SEC24C: variants seen among roughly 807,000 people sequenced by gnomAD.
SEC24C encodes the protein protein transport protein Sec24C.
SEC24C carries 22 observed loss-of-function variants against 117.0 expected under a neutral mutation model. The ratio of observed to expected loss-of-function variants is 0.19; its 90% CI spans 0.13 to 0.27. The LOEUF (loss-of-function observed/expected upper bound fraction) is 0.27, where lower values mean the gene tolerates loss of function less well. Among genes scored for constraint, SEC24C ranks in the 10% least tolerant of loss-of-function variants. The probability of loss-of-function intolerance (pLI) is 1.00; values close to 1 mark genes in which losing one functional copy is unlikely to be tolerated. For missense variants in SEC24C, 1,155 were observed against 1,375.1 expected, an observed-to-expected ratio of 0.84 and a Z score of 2.53; for synonymous variants, 506 against 529.4, an observed-to-expected ratio of 0.96 and a Z score of 0.61.
At position 73,765,516 on chromosome 10, in the gene SEC24C, C is replaced by T. The variant is rs766874540; in HGVS notation, c.1293C>T (p.Tyr431=). ...TGCGCTGCAACCGCTGCAAAGCATACATGTGTCCCTTCATGCAGTTCATTG... is the reference window on the plus strand; with the variant it reads ...TGCGCTGCAACCGCTGCAAAGCATATATGTGTCCCTTCATGCAGTTCATTG... The part of the protein sequence containing the change: ...GPLRCNRCKA[Y]MCPFMQFIEG... Residue 431 remains tyrosine, a synonymous_variant, in exon 9 of 23, where the codon TAC becomes TAT. Transcript: ENST00000345254. 6 of 1,614,052 alleles carry T rather than the reference C, an allele frequency of 3.7e-6. No individual in the cohort carries two copies. In the African/African-American group the frequency reaches 5.3e-5, roughly 14 times the overall value.
At chr10:73,744,989 G>T (rs1443811254) in intron 1 of SEC24C, among the ~76,000 whole-genome samples, 1 of 87,044 alleles carries the variant, frequency 1.1e-5, no homozygotes, top group African/African-American at 3.5e-5. Context: ...CTTAGTGTCA[G>T]TGACCTACCT....
rs774788734 is a variant in SEC24C at position 73,744,410 on chromosome 10, A to G, written c.-56A>G. 2.0e-5 allele frequency: 3 copies of G among 152,856 alleles called. No individual in the cohort carries two copies. Among genetic ancestry groups the G allele is most frequent in the Non-Finnish European group, 4.4e-5 (3 of 68,250 alleles). 9.5% of individuals were successfully genotyped at this position (152,856 alleles called of 1,614,324 possible). On this transcript the variant is annotated 5_prime_UTR_variant, in exon 1 of 23. Transcript: ENST00000345254. The stretch of plus-strand genomic sequence containing the variant: ...GAGCCTGGGAGCCTTGACGTTAGGA[A>G]CGAAGTCTAACCTGGATCTGGAGCC...
chr10:73,747,274 C>G lies in SEC24C; in HGVS notation c.172+270C>G, dbSNP rs373018936. Among the ~76,000 whole-genome samples the G allele has an allele frequency of 1.4e-4, 22 of 152,356 alleles. No individual in the cohort carries two copies. In the South Asian group the frequency reaches 4.3e-3, roughly 30 times the overall value. ...CTCAACTCATTGCAACCTCTGCCTC[C>G]TGGGCTTAAGCACTTCTCCTGCCTC... On this transcript the variant is annotated intron_variant, in intron 2 of 22. Transcript: ENST00000345254.
Position 73,770,196 on chromosome 10 carries a change from G to A in SEC24C, c.2863-84G>A, listed in dbSNP as rs1022711618. 16 of 1,401,250 alleles carry A rather than the reference G, an allele frequency of 1.1e-5. No homozygotes were observed. In the African/African-American group the frequency reaches 1.7e-4, roughly 15 times the overall value. 86.8% of individuals were successfully genotyped at this position (1,401,250 alleles called of 1,614,324 possible). A position where few individuals can be genotyped will look rare whatever the true frequency, so the allele number is the denominator to read the frequency against. On this transcript the variant is annotated intron_variant, in intron 20 of 22. Transcript: ENST00000345254. ...AGAAGGGGTGGTGTCTGAGGACTTA[G>A]CTTTCAAAATTTTGTGTGTGGTGCG... is the stretch of plus-strand genomic sequence containing the variant.
At chr10:73,750,856 C>T (rs140435340) in intron 2 of SEC24C, among the ~76,000 whole-genome samples, 300 of 152,316 alleles carry the variant, frequency 2.0e-3, no homozygotes, top group African/African-American at 6.7e-3. Context: ...GAAGGCCCTA[C>T]ATTCTTGTGC....
Position 73,770,865 on chromosome 10 carries a change from G to A in SEC24C, c.3144+67G>A, listed in dbSNP as rs1308056326. 8 of 1,611,936 alleles carry A rather than the reference G, an allele frequency of 5.0e-6. No homozygotes were observed. The East Asian group carries it at 1.8e-4, about 36-fold the overall frequency. On this transcript the variant is annotated intron_variant, in intron 22 of 22. Transcript: ENST00000345254. The stretch of plus-strand genomic sequence containing the variant: ...CCTCACCTAGAAGTGGGGGTTGGGT[G>A]GGGAATGAGTAAGTGACTGCCTAAT...
At chr10:73,763,353 A>C in intron 6 of SEC24C, 137 bp from the exon 7 acceptor site, 73 of 494,754 alleles carry the variant, frequency 1.5e-4, no homozygotes, top group East Asian at 2.6e-4. Flanking sequence ...CAGAAGGAGA[A>C]CAGGCCTGGT....
intron 3 of SEC24C, among the ~76,000 whole-genome samples, chr10:73,757,389 G>A (rs1256649294): frequency 6.7e-6 from 1 of 150,224 alleles, no homozygotes; most frequent in Non-Finnish European, 1.5e-5. Context: ...GAGCATTGTT[G>A]GTGTGCCTGG....
In SEC24C at chr10:73,767,047, T is replaced by C; in HGVS notation, c.1894-7T>C. On this transcript the variant is annotated splice_region_variant and splice_polypyrimidine_tract_variant and intron_variant, in intron 13 of 22. Transcript: ENST00000345254. ...GAATAAACAAGTAGTCCTCTCTTTT[T>C]TCCTAGGCTGCTGAGTGTGCAGGGA... 6.2e-7 allele frequency: 1 copy of C among 1,606,440 alleles called. No individual in the cohort carries two copies. Among genetic ancestry groups the C allele is most frequent in the Non-Finnish European group, 8.5e-7 (1 of 1,174,024 alleles).
intron 15 of SEC24C, 23 bp downstream of exon 15, chr10:73,768,030 G>A (rs1222106128): frequency 6.2e-7 from 1 of 1,600,168 alleles, no homozygotes. Flanking sequence ...ATTTGGGGCA[G>A]CAGGTGGCAG....
rs772567387 is a variant in SEC24C at position 73,746,920 on chromosome 10, G to A, written c.88G>A (p.Gly30Arg). Residue 30 changes from glycine to arginine, a missense_variant, in exon 2 of 23, where the codon GGG becomes AGG. By Grantham distance (125) the Gly-to-Arg change is moderately radical (BLOSUM62 -2). Transcript: ENST00000345254. ...YPGYHQSSYG[G>R]QSGSTAPAIP... is the part of the protein sequence containing the mutation. Reference sequence around the variant, plus strand: ...AGGGTATCATCAGTCCAGCTATGGTGGGCAATCAGGGTCCACAGCCCCCGC... The same window carrying A: ...AGGGTATCATCAGTCCAGCTATGGTAGGCAATCAGGGTCCACAGCCCCCGC... 1 of 1,614,076 alleles carries A rather than the reference G, an allele frequency of 6.2e-7. No individual in the cohort carries two copies. The highest frequency in any genetic ancestry group is 8.5e-7 in the Non-Finnish European group (1 of 1,179,982).
chr10:73,753,723 A>G (rs1359948326), intron 3 of SEC24C, among the ~76,000 whole-genome samples: 1 of 152,196 alleles, frequency 6.6e-6, no homozygotes, highest in Non-Finnish European at 1.5e-5. Context: ...ATTTAGTTTT[A>G]CCCACAGGAA....
chr10:73,751,325 C>T (rs1352145107), intron 3 of SEC24C, 82 bp downstream of exon 3: 8 of 1,394,656 alleles, frequency 5.7e-6, no homozygotes, highest in African/African-American at 1.4e-5. Flanking sequence ...CTTTGGGAGG[C>T]TGAGGTGGGT....
Position 73,760,299 on chromosome 10 carries a change from C to G in SEC24C, c.763C>G (p.Pro255Ala), listed in dbSNP as rs150235476. ...TGTGTCTTCACCTCCTCAAGCTCTG[C>G]CCCCTGGCACCCAGATGACTGGGCC... ...NHVSSPPQAL[P>A]PGTQMTGPLG... The change falls in exon 5 of 23, where the codon CCC becomes GCC. Residue 255 changes from proline to alanine, a missense_variant. Transcript: ENST00000345254. 7.7e-4 allele frequency: 1,250 copies of G among 1,613,514 alleles called. 5 individuals carry two copies. The African/African-American group carries it at 0.015, about 20-fold the overall frequency.
At chr10:73,752,397 T>G (rs2082654466) in intron 3 of SEC24C, among the ~76,000 whole-genome samples, 1 of 152,204 alleles carries the variant, frequency 6.6e-6, no homozygotes, top group African/African-American at 2.4e-5. Context: ...GTGCTAGGAT[T>G]ACAGGAGTGA....
At position 73,771,745 on chromosome 10, in the gene SEC24C, G is replaced by C. The variant is rs2082986943; in HGVS notation, c.*650G>C. 1 of 153,300 alleles carries C rather than the reference G, an allele frequency of 6.5e-6. No homozygotes were observed. The allele number at this position is 153,300 out of a possible 1,614,324, so 9.5% of individuals were successfully genotyped here. A position where few individuals can be genotyped will look rare whatever the true frequency, so the allele number is the denominator to read the frequency against. On this transcript the variant is annotated 3_prime_UTR_variant, in exon 23 of 23. Coordinates refer to ENST00000345254, the MANE Select transcript of SEC24C (RefSeq NM_198597.3). ...CAAAATATATTAAGATCTGGTAGAG[G>C]TACCAGCTTCCTTTCCAGCTGGAGA...
chr10:73,766,226 C>T lies in SEC24C; in HGVS notation c.1607+16C>T. On this transcript the variant is annotated intron_variant, in intron 11 of 22. Coordinates refer to ENST00000345254, the MANE Select transcript of SEC24C (RefSeq NM_198597.3). ...TTCTACCTAGGTGAGAGTTACAGAA[C>T]TGAGGTGTTTCCTGAGGTTAATGAT... 1 of 1,607,254 alleles carries T rather than the reference C, an allele frequency of 6.2e-7. No individual in the cohort carries two copies. Among genetic ancestry groups the T allele is most frequent in the Non-Finnish European group, 8.5e-7 (1 of 1,177,496 alleles).
chr10:73,747,010 T>C lies in SEC24C; in HGVS notation c.172+6T>C, dbSNP rs1269852212. 1.2e-6 allele frequency: 2 copies of C among 1,608,984 alleles called. No homozygotes were observed. Among genetic ancestry groups the C allele is most frequent in the Non-Finnish European group, 1.7e-6 (2 of 1,177,028 alleles). ...TCAGCAAACACCTCCCCAAGGTATG[T>C]TTCTGTTTCTGTTTCCTTTGAGCTA... On this transcript the variant is annotated splice_donor_region_variant and intron_variant, in intron 2 of 22. Transcript: ENST00000345254.
chr10:73,745,329 G>GTA (rs1475365091), intron 1 of SEC24C, among the ~76,000 whole-genome samples: 1 of 151,856 alleles, frequency 6.6e-6, no homozygotes, highest in Non-Finnish European at 1.5e-5. Flanking sequence ...CATAACAATC[G>GTA]TAAGGGGAGC....
Sources: gnomAD v4.1 joint callset for allele counts (sites outside exome capture counted in the v4.1 genomes callset) on GRCh38, gnomAD v4.1.1 for gene constraint, MANE v1.5 for transcripts, NCBI Gene and HGNC (gene_info 2026-07-23, HGNC 2026-07-21) for gene names.